Variants in WWOX observed in about 807,000 individuals in gnomAD.
WWOX encodes WW domain containing oxidoreductase.
In WWOX, 69 loss-of-function variants were observed where a neutral mutation model predicts 46.2. The ratio of observed to expected loss-of-function variants is 1.49; its 90% CI spans 1.23 to 1.82. The LOEUF is 1.82. Ranked by LOEUF, WWOX falls within the 40% of genes most tolerant of loss-of-function variation. The pLI is 0.00. For synonymous variants in WWOX, 359 were observed against 202.6 expected, an observed-to-expected ratio of 1.77 and a Z score of -6.56; for missense variants, 919 against 542.6, an observed-to-expected ratio of 1.69 and a Z score of -6.89.
intron 8 of WWOX, among the ~76,000 whole-genome samples, chr16:78,755,112 C>G (rs1332490470): frequency 3.3e-5 from 5 of 151,758 alleles, no homozygotes; most frequent in East Asian, 1.9e-4. Context: ...GGGCTTAAAA[C>G]CTAGATGACG....
intron 8 of WWOX, among the ~76,000 whole-genome samples, chr16:79,211,134 C>A (rs2051728250): frequency 6.6e-6 from 1 of 151,920 alleles, no homozygotes; most frequent in Admixed American, 6.6e-5. Context: ...GATGATCTGG[C>A]AGCAGCCCCA....
intron 5 of WWOX, among the ~76,000 whole-genome samples, chr16:78,376,594 C>T (rs866886788): frequency 5.9e-5 from 9 of 152,310 alleles, no homozygotes; most frequent in Middle Eastern, 3.4e-3. Context: ...ACGCAGGCAT[C>T]CTCGGGACTA....
At chr16:78,371,333 G>T (rs974376192) in intron 5 of WWOX, among the ~76,000 whole-genome samples, 9 of 152,130 alleles carry the variant, frequency 5.9e-5, no homozygotes, top group African/African-American at 2.2e-4. Flanking sequence ...CTGCCTCACA[G>T]TAAAAAAGTG....
At chr16:79,043,756 A>G (rs908100547) in intron 8 of WWOX, among the ~76,000 whole-genome samples, 3 of 152,180 alleles carry the variant, frequency 2.0e-5, no homozygotes, top group Non-Finnish European at 2.9e-5. Flanking sequence ...CTGAAATGAT[A>G]TTATCAGACA....
At chr16:78,602,682 G>T (rs563211365) in intron 8 of WWOX, among the ~76,000 whole-genome samples, 1 of 152,256 alleles carries the variant, frequency 6.6e-6, no homozygotes, top group Admixed American at 6.5e-5. Context: ...TCATTGTCAT[G>T]ACAGGAATAG....
intron 4 of WWOX, among the ~76,000 whole-genome samples, chr16:78,141,956 T>C (rs2034003592): frequency 6.6e-6 from 1 of 151,486 alleles, no homozygotes; most frequent in African/African-American, 2.4e-5. Context: ...TTCTAGACCC[T>C]GGATTTCTAA....
intron 8 of WWOX, among the ~76,000 whole-genome samples, chr16:78,491,404 A>C (rs1054049379): frequency 6.6e-6 from 1 of 152,034 alleles, no homozygotes; most frequent in African/African-American, 2.4e-5. Flanking sequence ...CTTGAATTTA[A>C]TTCTCTCCCT....
rs1276402137 is a variant in WWOX at position 78,832,379 on chromosome 16, A to G, written c.1057-379229A>G. 5.9e-5 allele frequency among the ~76,000 whole-genome samples: 9 copies of G among 152,302 alleles called. No individual in the cohort carries two copies. In the East Asian group the frequency reaches 1.7e-3, roughly 29 times the overall value. Reference sequence around the variant, plus strand: ...CTTTTAAGCCCCATTCTTAGACATCATGCACTGTCAAGCACCGTAACTTTA... The same window carrying G: ...CTTTTAAGCCCCATTCTTAGACATCGTGCACTGTCAAGCACCGTAACTTTA... On this transcript the variant is annotated intron_variant, in intron 8 of 8. Transcript: ENST00000566780.
intron 8 of WWOX, among the ~76,000 whole-genome samples, chr16:78,927,328 C>G (rs1021032019): frequency 5.3e-5 from 8 of 152,282 alleles, no homozygotes; most frequent in Middle Eastern, 3.4e-3. Flanking sequence ...ATCCTGGTGA[C>G]CTTAGGCAAG....
At chr16:78,543,591 A>G (rs1055637303) in intron 8 of WWOX, among the ~76,000 whole-genome samples, 2 of 152,214 alleles carry the variant, frequency 1.3e-5, no homozygotes, top group African/African-American at 4.8e-5. Context: ...TGAGCATACC[A>G]TATGCTGAAA....
chr16:78,816,504 T>A (rs1338873614), intron 8 of WWOX, among the ~76,000 whole-genome samples: 1 of 39,396 alleles, frequency 2.5e-5, no homozygotes, highest in Non-Finnish European at 4.4e-5. Context: ...GAGCCACTCT[T>A]TTTTTTTTTT....
intron 6 of WWOX, among the ~76,000 whole-genome samples, chr16:78,389,334 C>T (rs1279749457): frequency 3.9e-5 from 6 of 152,178 alleles, no homozygotes; most frequent in African/African-American, 1.2e-4. Flanking sequence ...CTCTAAAGCC[C>T]CAGACATTCT....
chr16:78,950,160 T>C (rs946279395), intron 8 of WWOX, among the ~76,000 whole-genome samples: 13 of 152,202 alleles, frequency 8.5e-5, no homozygotes, highest in African/African-American at 3.1e-4. Flanking sequence ...GATCTCACTT[T>C]TCCCTTCTTG....
intron 5 of WWOX, among the ~76,000 whole-genome samples, chr16:78,268,037 T>C (rs1342483616): frequency 1.3e-5 from 2 of 152,192 alleles, no homozygotes; most frequent in African/African-American, 4.8e-5. Flanking sequence ...CAGGCTCATC[T>C]CGAACCCCTT....
intron 8 of WWOX, among the ~76,000 whole-genome samples, chr16:78,494,446 AT>A (rs1567605307): frequency 1.3e-5 from 2 of 150,946 alleles, no homozygotes; most frequent in Non-Finnish European, 2.9e-5. Flanking sequence ...TTCCTTTTGC[AT>A]TTTGGATGGT....
intron 8 of WWOX, among the ~76,000 whole-genome samples, chr16:78,536,795 C>T (rs2043769270): frequency 6.6e-6 from 1 of 151,710 alleles, no homozygotes; most frequent in African/African-American, 2.4e-5. Flanking sequence ...TGGATTATTT[C>T]TCTTTTTTAA....
chr16:78,579,939 A>C (rs1225366203), intron 8 of WWOX, among the ~76,000 whole-genome samples: 1 of 152,130 alleles, frequency 6.6e-6, no homozygotes, highest in East Asian at 1.9e-4. Flanking sequence ...TGAATGTTAA[A>C]ATGCAGGTGG....
intron 8 of WWOX, among the ~76,000 whole-genome samples, chr16:78,810,633 C>G: frequency 6.6e-6 from 1 of 152,160 alleles, no homozygotes; most frequent in Middle Eastern, 3.2e-3. Context: ...TTATTTCTTC[C>G]GCTGAACAGG....
intron 8 of WWOX, among the ~76,000 whole-genome samples, chr16:78,468,287 T>G (rs1256043573): frequency 6.6e-6 from 1 of 150,462 alleles, no homozygotes; most frequent in Non-Finnish European, 1.5e-5. Context: ...TTTTTTAAAC[T>G]TCATGGTGAG....
Sources: allele counts gnomAD v4.1 joint callset (sites outside exome capture counted in the v4.1 genomes callset), GRCh38; gene constraint gnomAD v4.1.1; transcripts MANE v1.5; gene names NCBI Gene and HGNC (gene_info 2026-07-23, HGNC 2026-07-21).